CCDC180: variants seen among roughly 807,000 people sequenced by gnomAD.
CCDC180 encodes coiled-coil domain containing 180.
Under a neutral mutation model 209.2 loss-of-function variants are expected in CCDC180, and 154 were observed. The observed-to-expected ratio is 0.74, with a 90% CI of 0.65 to 0.84. The LOEUF is 0.84. Among genes scored for constraint, CCDC180 ranks in the 40% least tolerant of loss-of-function variants. The pLI is 0.00. For missense variants in CCDC180, 1,874 were observed against 1,997.3 expected, an observed-to-expected ratio of 0.94 and a Z score of 1.18; for synonymous variants, 778 against 749.1, an observed-to-expected ratio of 1.04 and a Z score of -0.63.
In CCDC180 at chr9:97,317,149, C is replaced by T. The variant is rs1451324553; in HGVS notation, c.880C>T (p.Leu294=). The T allele has an allele frequency of 6.2e-7, 1 of 1,613,302 alleles. No individual in the cohort carries two copies. Among genetic ancestry groups the T allele is most frequent in the African/African-American group, 1.3e-5 (1 of 75,052 alleles). Residue 294 remains leucine, a synonymous_variant, in exon 9 of 37, where the codon CTG becomes TTG. Coordinates refer to ENST00000529487, the MANE Select transcript of CCDC180 (RefSeq NM_020893.6). Reference sequence around the variant, plus strand: ...GATGGAGTCCACCCTGCAGCAGGAGCTGGACAGCCGCCACCGCTGGCAAGG... The same window carrying T: ...GATGGAGTCCACCCTGCAGCAGGAGTTGGACAGCCGCCACCGCTGGCAAGG... ...NLMESTLQQE[L]DSRHRWQGLV...
chr9:97,338,244 T>C (rs1236494227), intron 18 of CCDC180, among the ~76,000 whole-genome samples: 1 of 152,230 alleles, frequency 6.6e-6, no homozygotes, highest in African/African-American at 2.4e-5. Flanking sequence ...GTTCTTTTAA[T>C]TGTGATGTTA....
intron 28 of CCDC180, among the ~76,000 whole-genome samples, chr9:97,363,363 T>C (rs1173609252): frequency 6.6e-6 from 1 of 152,198 alleles, no homozygotes; most frequent in East Asian, 1.9e-4. Context: ...CAAATCTGAC[T>C]TAGAGCAGGC....
intron 12 of CCDC180, 143 bp from the exon 13 acceptor site, chr9:97,323,638 A>T: frequency 9.6e-7 from 1 of 1,042,700 alleles, no homozygotes; most frequent in East Asian, 2.8e-5. Flanking sequence ...CCAGACCCTA[A>T]GGGGAACAGA....
intron 18 of CCDC180, among the ~76,000 whole-genome samples, chr9:97,339,442 T>G (rs1165464037): frequency 6.6e-6 from 1 of 152,210 alleles, no homozygotes; most frequent in Non-Finnish European, 1.5e-5. Flanking sequence ...GATATGAAAT[T>G]CTGAGTTGAA....
chr9:97,375,330 A>T lies in CCDC180; in HGVS notation c.4707-124A>T. ...CACATTCAGTATGTTTTTTCTTTTC[A>T]TTAAGATATTTAAAGCCATGATAAT... On this transcript the variant is annotated intron_variant, in intron 35 of 36. Coordinates refer to ENST00000529487, the MANE Select transcript of CCDC180 (RefSeq NM_020893.6). The T allele has an allele frequency of 3.8e-6, 5 of 1,304,388 alleles. No homozygotes were observed. The Admixed American group carries it at 6.2e-5, about 16-fold the overall frequency. The allele number at this position is 1,304,388 out of a possible 1,614,324, so 80.8% of individuals were successfully genotyped here.
At chr9:97,314,326 A>T in intron 5 of CCDC180, 67 bp from the exon 6 acceptor site, 1 of 1,573,770 alleles carries the variant, frequency 6.4e-7, no homozygotes, top group Non-Finnish European at 8.7e-7. Context: ...TTCCCCCATG[A>T]CAGGGAAGGC....
chr9:97,371,716 A>G lies in CCDC180; in HGVS notation c.4600+10A>G. ...GATGTCCAGGTTGCAAGTAAGAGGCACCACCAGCCTTGTGTCATGGCCCTG... is the reference window on the plus strand; with the variant it reads ...GATGTCCAGGTTGCAAGTAAGAGGCGCCACCAGCCTTGTGTCATGGCCCTG... On this transcript the variant is annotated intron_variant, in intron 34 of 36. Transcript: ENST00000529487. 1.9e-6 allele frequency: 3 copies of G among 1,563,998 alleles called. No individual in the cohort carries two copies. Among genetic ancestry groups the G allele is most frequent in the Non-Finnish European group, 2.6e-6 (3 of 1,139,034 alleles).
intron 18 of CCDC180, among the ~76,000 whole-genome samples, chr9:97,335,137 GCTCTATTAAAAA>G (rs1564158750): frequency 6.6e-6 from 1 of 150,414 alleles, no homozygotes; most frequent in Non-Finnish European, 1.5e-5. Context: ...TCCTTCTTTT[GCTCTATTAAAAA>G]CTCTTTCCCA....
At position 97,309,714 on chromosome 9, in the gene CCDC180, T is replaced by C. The variant is rs1039073188; in HGVS notation, c.260+110T>C. ...TAGCCTGTAGGAATGAAGTCTCAAG[T>C]ACCACCCCTAAAGCAGGGAGGCTAA... On this transcript the variant is annotated intron_variant, in intron 3 of 36. Coordinates refer to ENST00000529487, the MANE Select transcript of CCDC180 (RefSeq NM_020893.6). 5.8e-6 allele frequency: 5 copies of C among 858,608 alleles called. No individual in the cohort carries two copies. In the African/African-American group the frequency reaches 7.1e-5, roughly 12 times the overall value. The allele number at this position is 858,608 out of a possible 1,614,324, so 53.2% of individuals were successfully genotyped here.
At position 97,361,907 on chromosome 9, in the gene CCDC180, C is replaced by A; in HGVS notation, c.3656+9C>A. 1 of 1,612,928 alleles carries A rather than the reference C, an allele frequency of 6.2e-7. No individual in the cohort carries two copies. The highest frequency in any genetic ancestry group is 8.5e-7 in the Non-Finnish European group (1 of 1,179,542). Reference sequence around the variant, plus strand: ...ATCAGGAAGCTCCTGCAGTGAGTGGCCCCAGGGTGCACCTAAGGCTCTGCC... The same window carrying A: ...ATCAGGAAGCTCCTGCAGTGAGTGGACCCAGGGTGCACCTAAGGCTCTGCC... On this transcript the variant is annotated intron_variant, in intron 27 of 36. Transcript: ENST00000529487.
At chr9:97,331,592 T>C (rs140346221) in intron 18 of CCDC180, among the ~76,000 whole-genome samples, 53 of 152,332 alleles carry the variant, frequency 3.5e-4, no homozygotes, top group African/African-American at 1.2e-3. Context: ...ATAATATTCA[T>C]TCTGACTGTT....
At chr9:97,347,625 G>A (rs983695741) in intron 20 of CCDC180, 136 bp downstream of exon 20, 2 of 835,342 alleles carry the variant, frequency 2.4e-6, no homozygotes, top group African/African-American at 1.7e-5. Context: ...CACCATGGAA[G>A]ATGTACATGA....
rs1178022619 is a variant in CCDC180, at chr9:97,360,086, T to C, written c.3468T>C (p.Thr1156=). 1 of 1,613,862 alleles carries C rather than the reference T, an allele frequency of 6.2e-7. No homozygotes were observed. Among genetic ancestry groups the C allele is most frequent in the South Asian group, 1.1e-5 (1 of 91,048 alleles). Residue 1156 remains threonine (T), a synonymous_variant, in exon 26 of 37, where the codon ACT becomes ACC. Transcript: ENST00000529487. ...GCAGCCTGGACAGGGTGTCCATGACTGAACTGGTCTTTACCGTAAGGAATG... is the reference window on the plus strand; with the variant it reads ...GCAGCCTGGACAGGGTGTCCATGACCGAACTGGTCTTTACCGTAAGGAATG... ...LNCSLDRVSM[T]ELVFTNTILK...
At chr9:97,307,507 C>G (rs918613665), upstream of CCDC180, 3 of 601,758 alleles carry the variant, frequency 5.0e-6, no homozygotes, top group African/African-American at 5.5e-5. Context: ...CTGGTTGGGT[C>G]TTCTCAGCAC....
intron 10 of CCDC180, 49 bp from the exon 11 acceptor site, chr9:97,320,077 G>A (rs1334446379): frequency 2.0e-6 from 3 of 1,463,984 alleles, no homozygotes; most frequent in Non-Finnish European, 1.9e-6. Flanking sequence ...ATTTTGGTGA[G>A]TAAACGGTTT....
intron 33 of CCDC180, 144 bp from the exon 34 acceptor site, chr9:97,371,451 G>T (rs1827098052): frequency 4.1e-6 from 2 of 493,822 alleles, no homozygotes; most frequent in Admixed American, 3.0e-5. Flanking sequence ...CCTGGCTGAG[G>T]GCCAGATGCT....
Position 97,343,489 on chromosome 9 carries a change from CA to C in CCDC180, c.2426del (p.Asn809ThrfsTer9). ...ATTCCACCTTCTCAGCCATGTTCATCAACGACACTTCCAGTGCCAAGTTCAT... is the reference window on the plus strand; with the variant it reads ...ATTCCACCTTCTCAGCCATGTTCATCACGACACTTCCAGTGCCAAGTTCAT... ...SHSTFSAMFINDTSSAKFIEQ... is the reference protein window; with the variant it reads ...SHSTFSAMFIXDTSSAKFIEQ... On this transcript the variant is annotated frameshift_variant, in exon 19 of 37. Coordinates refer to ENST00000529487, the MANE Select transcript of CCDC180 (RefSeq NM_020893.6). LOFTEE classifies it high-confidence loss of function. 6.2e-7 allele frequency: 1 copy of C among 1,614,134 alleles called. No homozygotes were observed. The highest frequency in any genetic ancestry group is 8.5e-7 in the Non-Finnish European group (1 of 1,179,998).
At position 97,343,333 on chromosome 9, in the gene CCDC180, T is replaced by A; in HGVS notation, c.2275-7T>A. ...TCAAGTCAACTTTAGTGTTATTGCC[T>A]GCTTAGGAAGAAGACAAGGAAGAGG... On this transcript the variant is annotated splice_region_variant and splice_polypyrimidine_tract_variant and intron_variant, in intron 18 of 36. Coordinates refer to ENST00000529487, the MANE Select transcript of CCDC180 (RefSeq NM_020893.6). The A allele has an allele frequency of 6.3e-7, 1 of 1,577,234 alleles. No homozygotes were observed. Among genetic ancestry groups the A allele is most frequent in the Non-Finnish European group, 8.7e-7 (1 of 1,147,290 alleles).
chr9:97,309,718 A>G (rs776566171), intron 3 of CCDC180, 114 bp downstream of exon 3: 2 of 834,810 alleles, frequency 2.4e-6, no homozygotes, highest in Non-Finnish European at 3.5e-6. Context: ...CTCAAGTACC[A>G]CCCCTAAAGC....
Sources: allele counts gnomAD v4.1 joint callset (sites outside exome capture counted in the v4.1 genomes callset), GRCh38; gene constraint gnomAD v4.1.1; transcripts MANE v1.5; gene names NCBI Gene and HGNC (gene_info 2026-07-23, HGNC 2026-07-21).